The following HSD17B12 variants were observed in gnomAD, a reference collection of about 807,000 sequenced individuals.
HSD17B12 encodes the protein hydroxysteroid 17-beta dehydrogenase 12.
A neutral mutation model predicts 39.3 loss-of-function variants in HSD17B12; 32 were observed. The observed-to-expected ratio is 0.81, with a 90% CI of 0.61 to 1.09. The LOEUF is 1.09. HSD17B12 is among the 50% of genes least tolerant of loss of function. The pLI, the probability that HSD17B12 is intolerant of heterozygous loss-of-function variation, is 0.00. For missense variants in HSD17B12, 342 were observed against 382.9 expected, an observed-to-expected ratio of 0.89 and a Z score of 0.89; for synonymous variants, 150 against 146.7, an observed-to-expected ratio of 1.02 and a Z score of -0.16.
Position 43,696,585 on chromosome 11 carries a change from A to G in HSD17B12, c.160+15598A>G, listed in dbSNP as rs558915684. Among the ~76,000 whole-genome samples the G allele has an allele frequency of 2.6e-5, 4 of 152,342 alleles. No homozygotes were observed. The East Asian group carries it at 5.8e-4, about 22-fold the overall frequency. On this transcript the variant is annotated intron_variant, in intron 1 of 10. Transcript: ENST00000278353. ...TGTTAGTGGGACTCTAAATTAGTTCAACCATTGTGGAAGACAGTGTGGCAG... is the reference window on the plus strand; with the variant it reads ...TGTTAGTGGGACTCTAAATTAGTTCGACCATTGTGGAAGACAGTGTGGCAG...
chr11:43,629,530 C>T, the HSD17B12 span, among the ~76,000 whole-genome samples: 1 of 152,168 alleles, frequency 6.6e-6, no homozygotes, highest in Non-Finnish European at 1.5e-5. Context: ...CTGGAATTGT[C>T]CAATGGCAGA....
chr11:43,769,218 G>T (rs115360774), intron 3 of HSD17B12, among the ~76,000 whole-genome samples: 5,712 of 152,318 alleles, frequency 0.038, 355 homozygotes, highest in African/African-American at 0.13. Flanking sequence ...GAGATTATAG[G>T]CGTGAGCCAC....
At chr11:43,787,142 A>C (rs1321630389) in intron 3 of HSD17B12, among the ~76,000 whole-genome samples, 1 of 151,976 alleles carries the variant, frequency 6.6e-6, no homozygotes, top group Non-Finnish European at 1.5e-5. Context: ...GGGTTTCAGC[A>C]TGTTGGCCAG....
the HSD17B12 span, among the ~76,000 whole-genome samples, chr11:43,566,692 G>A: frequency 1.3e-5 from 2 of 152,112 alleles, no homozygotes; most frequent in Non-Finnish European, 2.9e-5. Flanking sequence ...GCCACGCCCG[G>A]CTAATTTTTG....
At chr11:43,587,392 A>G in the HSD17B12 span, among the ~76,000 whole-genome samples, 1 of 152,164 alleles carries the variant, frequency 6.6e-6, no homozygotes, top group Non-Finnish European at 1.5e-5. Context: ...CCCCAAGTTA[A>G]AATTTTTTTC....
chr11:43,619,196 A>T, the HSD17B12 span, among the ~76,000 whole-genome samples: 416 of 66,288 alleles, frequency 6.3e-3, 7 homozygotes, highest in Non-Finnish European at 8.0e-3. Flanking sequence ...ATATATATAT[A>T]TGATATATAT....
chr11:43,578,308 T>C, the HSD17B12 span, among the ~76,000 whole-genome samples: 4 of 152,108 alleles, frequency 2.6e-5, no homozygotes. Context: ...TTCCCTTCTG[T>C]CAACAGCCTC....
At chr11:43,695,685 C>CTTA (rs1949904864) in intron 1 of HSD17B12, among the ~76,000 whole-genome samples, 1 of 150,558 alleles carries the variant, frequency 6.6e-6, no homozygotes, top group South Asian at 2.1e-4. Context: ...TCTTCTTCTT[C>CTTA]TTCTTCTTTT....
the HSD17B12 span, among the ~76,000 whole-genome samples, chr11:43,601,364 A>T: frequency 0.026 from 3,935 of 151,472 alleles, 186 homozygotes; most frequent in African/African-American, 0.089. Flanking sequence ...GTGTCATTCC[A>T]TTTCTTTTTT....
At chr11:43,681,709 G>A (rs2134735331) in intron 1 of HSD17B12, among the ~76,000 whole-genome samples, 1 of 149,944 alleles carries the variant, frequency 6.7e-6, no homozygotes, top group South Asian at 2.1e-4. Context: ...GTAGGAAAAA[G>A]TATACCCGTA....
At chr11:43,827,939 C>T (rs1016374115) in intron 6 of HSD17B12, among the ~76,000 whole-genome samples, 14 of 152,092 alleles carry the variant, frequency 9.2e-5, no homozygotes, top group Admixed American at 2.6e-4. Flanking sequence ...AAAGTGATAA[C>T]AATACCTTAA....
intron 1 of HSD17B12, among the ~76,000 whole-genome samples, chr11:43,696,731 T>C (rs1417238362): frequency 6.6e-6 from 1 of 152,170 alleles, no homozygotes. Context: ...AATGCAGCAC[T>C]ATTTACAATA....
chr11:43,742,145 T>TTC (rs1950373406), intron 1 of HSD17B12, among the ~76,000 whole-genome samples: 1 of 142,618 alleles, frequency 7.0e-6, no homozygotes, highest in Non-Finnish European at 1.5e-5. Flanking sequence ...ATATATTTTT[T>TTC]TTTTTAAATT....
chr11:43,712,466 C>T (rs557056724), intron 1 of HSD17B12, among the ~76,000 whole-genome samples: 261 of 152,016 alleles, frequency 1.7e-3, no homozygotes, highest in African/African-American at 5.9e-3. Context: ...TCTCCACAAC[C>T]CCTTATCTTA....
chr11:43,854,548 C>T, intron 9 of HSD17B12, 167 bp from the exon 10 acceptor site: 1 of 641,872 alleles, frequency 1.6e-6, no homozygotes, highest in Non-Finnish European at 2.7e-6. Context: ...TTTATGGTAT[C>T]ATGTGTTCTA....
At chr11:43,754,205 G>A (rs1950490139) in intron 3 of HSD17B12, 84 bp downstream of exon 3, 11 of 904,340 alleles carry the variant, frequency 1.2e-5, no homozygotes, top group Non-Finnish European at 1.7e-5. Context: ...GTTATTTCTA[G>A]TTCAGGAAAC....
intron 1 of HSD17B12, among the ~76,000 whole-genome samples, chr11:43,693,517 T>C (rs72908815): frequency 0.096 from 14,651 of 152,258 alleles, 876 homozygotes; most frequent in Middle Eastern, 0.14. Context: ...ACTTGTTCAT[T>C]GTATATAGTG....
the HSD17B12 span, among the ~76,000 whole-genome samples, chr11:43,666,423 T>C: frequency 2.0e-5 from 3 of 152,076 alleles, no homozygotes; most frequent in African/African-American, 4.8e-5. Flanking sequence ...CAGGCTGGTC[T>C]TAAACTCCTG....
chr11:43,654,145 G>C, the HSD17B12 span, among the ~76,000 whole-genome samples: 1 of 152,174 alleles, frequency 6.6e-6, no homozygotes, highest in Admixed American at 6.5e-5. Flanking sequence ...CTGATGGCCA[G>C]TGATGGTGAG....
Sources: gnomAD v4.1 joint callset for allele counts (sites outside exome capture counted in the v4.1 genomes callset) on GRCh38, gnomAD v4.1.1 for gene constraint, MANE v1.5 for transcripts, NCBI Gene and HGNC (gene_info 2026-07-23, HGNC 2026-07-21) for gene names.